Variants in AKAP13 observed in about 807,000 individuals in gnomAD.
AKAP13 encodes A-kinase anchoring protein 13.
Under a neutral mutation model 264.5 loss-of-function variants are expected in AKAP13, and 80 were observed. The ratio of observed to expected loss-of-function variants is 0.30; its 90% CI spans 0.25 to 0.36. The LOEUF is 0.36. Among genes scored for constraint, AKAP13 ranks in the 10% least tolerant of loss-of-function variants. AKAP13 has a pLI of 1.00. For missense variants in AKAP13, 3,712 were observed against 3,435.2 expected, an observed-to-expected ratio of 1.08 and a Z score of -2.01; for synonymous variants, 1,380 against 1,250.2, an observed-to-expected ratio of 1.10 and a Z score of -2.19.
intron 16 of AKAP13, among the ~76,000 whole-genome samples, chr15:85,687,398 G>A (rs2084999152): frequency 6.6e-6 from 1 of 152,172 alleles, no homozygotes; most frequent in African/African-American, 2.4e-5. Context: ...AACATATTTT[G>A]TGTTAGACCG....
chr15:85,486,031 C>G (rs535628180), intron 2 of AKAP13, among the ~76,000 whole-genome samples: 3 of 152,208 alleles, frequency 2.0e-5, no homozygotes, highest in Non-Finnish European at 2.9e-5. Flanking sequence ...TCCTGCCAAA[C>G]AGTACTGTAG....
intron 5 of AKAP13, among the ~76,000 whole-genome samples, chr15:85,561,481 G>T (rs540532993): frequency 6.6e-6 from 1 of 152,200 alleles, no homozygotes. Context: ...GTTGAATCAG[G>T]TTGGTGGCTT....
At chr15:85,680,391 C>T (rs762704605) in intron 14 of AKAP13, among the ~76,000 whole-genome samples, 1 of 152,030 alleles carries the variant, frequency 6.6e-6, no homozygotes, top group Non-Finnish European at 1.5e-5. Flanking sequence ...GGGGATGGAT[C>T]CCAGATATTC....
At chr15:85,406,605 A>T (rs1158106264) in intron 1 of AKAP13, among the ~76,000 whole-genome samples, 1 of 151,164 alleles carries the variant, frequency 6.6e-6, no homozygotes, top group Non-Finnish European at 1.5e-5. Context: ...TGGAAGGTAG[A>T]AGAAGAGGTA....
chr15:85,456,042 A>G (rs1465107886), intron 1 of AKAP13, among the ~76,000 whole-genome samples: 1 of 152,206 alleles, frequency 6.6e-6, no homozygotes, highest in Non-Finnish European at 1.5e-5. Flanking sequence ...ACACATCACC[A>G]CTCTGAGCCT....
At chr15:85,473,013 C>T (rs2075015070) in intron 1 of AKAP13, among the ~76,000 whole-genome samples, 1 of 152,148 alleles carries the variant, frequency 6.6e-6, no homozygotes, top group South Asian at 2.1e-4. Context: ...AATTACTACA[C>T]TTCAAAAATT....
rs559632121 is a variant in AKAP13, at chr15:85,409,455, G to A, written c.-12+28657G>A. On this transcript the variant is annotated intron_variant, in intron 1 of 36. Coordinates refer to ENST00000394518, the MANE Select transcript of AKAP13 (RefSeq NM_007200.5). ...GGCCTCCCAAAGTGCTGGGATTACA[G>A]GTATGAGCCACCCTATCAGGTCCAT... Among the ~76,000 whole-genome samples, 9 of 151,670 alleles carry A rather than the reference G, an allele frequency of 5.9e-5. No homozygotes were observed. The East Asian group carries it at 1.5e-3, about 26-fold the overall frequency.
intron 1 of AKAP13, among the ~76,000 whole-genome samples, chr15:85,434,732 G>T (rs2073194291): frequency 6.6e-6 from 1 of 152,118 alleles, no homozygotes; most frequent in African/African-American, 2.4e-5. Context: ...ACACGGCAGG[G>T]TATTCTAACA....
At chr15:85,493,918 T>G in intron 2 of AKAP13, among the ~76,000 whole-genome samples, 1 of 152,080 alleles carries the variant, frequency 6.6e-6, no homozygotes, top group African/African-American at 2.4e-5. Context: ...GCAGAGACAA[T>G]GCCCCCTTAA....
chr15:85,553,604 T>C (rs919979892), intron 5 of AKAP13, among the ~76,000 whole-genome samples: 1 of 152,134 alleles, frequency 6.6e-6, no homozygotes, highest in East Asian at 1.9e-4. Context: ...TTTATTCTTA[T>C]AGTACATATT....
At chr15:85,433,542 C>G (rs981765401) in intron 1 of AKAP13, among the ~76,000 whole-genome samples, 1 of 152,064 alleles carries the variant, frequency 6.6e-6, no homozygotes, top group African/African-American at 2.4e-5. Context: ...TCCACAAACT[C>G]CTTAGCCTTT....
chr15:85,564,340 C>G (rs1350007928), intron 5 of AKAP13, among the ~76,000 whole-genome samples: 2 of 152,158 alleles, frequency 1.3e-5, no homozygotes, highest in Non-Finnish European at 2.9e-5. Flanking sequence ...TTTGCTTTAT[C>G]TGTGTGTGTA....
chr15:85,734,242 C>T (rs1246827391), intron 30 of AKAP13, among the ~76,000 whole-genome samples: 1 of 152,210 alleles, frequency 6.6e-6, no homozygotes, highest in African/African-American at 2.4e-5. Flanking sequence ...TCCCCACCAT[C>T]ACTCCCTGTT....
At chr15:85,391,723 G>A (rs898252711) in intron 1 of AKAP13, among the ~76,000 whole-genome samples, 3 of 151,860 alleles carry the variant, frequency 2.0e-5, no homozygotes, top group Admixed American at 6.6e-5. Context: ...AGACTCAAGC[G>A]ATCCACCCAC....
At chr15:85,383,452 T>C (rs2070393112) in intron 1 of AKAP13, among the ~76,000 whole-genome samples, 1 of 152,236 alleles carries the variant, frequency 6.6e-6, no homozygotes, top group South Asian at 2.1e-4. Context: ...AGTAGGCAGC[T>C]ATTACCTAGT....
At chr15:85,418,558 T>C (rs1428738000) in intron 1 of AKAP13, among the ~76,000 whole-genome samples, 1 of 152,204 alleles carries the variant, frequency 6.6e-6, no homozygotes, top group African/African-American at 2.4e-5. Flanking sequence ...CTATAAGCGG[T>C]AAAGAAACCA....
intron 2 of AKAP13, among the ~76,000 whole-genome samples, chr15:85,494,719 G>A (rs575418502): frequency 5.3e-5 from 8 of 152,330 alleles, no homozygotes; most frequent in Non-Finnish European, 8.8e-5. Flanking sequence ...AGCAGGTTAC[G>A]AGAGGTCTGA....
rs551466329 is a variant in AKAP13, at chr15:85,477,069, C to T, written c.-11-8641C>T. 6.6e-5 allele frequency among the ~76,000 whole-genome samples: 10 copies of T among 152,094 alleles called. No homozygotes were observed. In the East Asian group the frequency reaches 1.7e-3, roughly 26 times the overall value. The stretch of plus-strand genomic sequence containing the variant: ...TGTTTATGCTTTTCTCTCCCTTTCT[C>T]GAGTCATGGTAGGTTACTATTTGAG... On this transcript the variant is annotated intron_variant, in intron 1 of 36. Coordinates refer to ENST00000394518, the MANE Select transcript of AKAP13 (RefSeq NM_007200.5).
Position 85,722,283 on chromosome 15 carries a change from G to A in AKAP13, c.6432G>A (p.Leu2144=), listed in dbSNP as rs747287636. 2 of 1,613,894 alleles carry A rather than the reference G, an allele frequency of 1.2e-6. No individual in the cohort carries two copies. Among genetic ancestry groups the A allele is most frequent in the South Asian group, 2.2e-5 (2 of 91,054 alleles). ...VRRLGIPECI[L]LVTQRITKYP... Reference sequence around the variant, plus strand: ...GGCTTGGAATTCCAGAGTGCATATTGCTTGTAACTCAGCGGATTACCAAGT... The same window carrying A: ...GGCTTGGAATTCCAGAGTGCATATTACTTGTAACTCAGCGGATTACCAAGT... Residue 2144 remains leucine (L), a synonymous_variant, in exon 25 of 37, where the codon TTG becomes TTA. Coordinates refer to ENST00000394518, the MANE Select transcript of AKAP13 (RefSeq NM_007200.5).
Sources: allele counts gnomAD v4.1 joint callset (sites outside exome capture counted in the v4.1 genomes callset), GRCh38; gene constraint gnomAD v4.1.1; transcripts MANE v1.5; gene names NCBI Gene and HGNC (gene_info 2026-07-23, HGNC 2026-07-21).